Variants in MOK observed in about 807,000 individuals in gnomAD.
MOK encodes the protein MOK protein kinase, also known as MAPK/MAK/MRK overlapping kinase.
Under a neutral mutation model 54.2 loss-of-function variants are expected in MOK, and 59 were observed. The ratio of observed to expected loss-of-function variants is 1.09; its 90% CI spans 0.88 to 1.35. The LOEUF (loss-of-function observed/expected upper bound fraction) is 1.35, where lower values mean the gene tolerates loss of function less well. MOK is among the 40% of genes most tolerant of loss of function. The probability of loss-of-function intolerance (pLI) is 0.00; values close to 1 mark genes in which losing one functional copy is unlikely to be tolerated. For missense variants in MOK, 517 were observed against 526.2 expected (o/e 0.98, Z 0.17); for synonymous variants, 210 against 202.7 (o/e 1.04, Z -0.31).
In MOK at chr14:102,229,361, ATCTG is replaced by A; in HGVS notation, c.1184_1187del (p.Thr395IlefsTer18). The A allele has an allele frequency of 7.0e-5, 113 of 1,614,190 alleles. No homozygotes were observed. The highest frequency in any genetic ancestry group is 1.3e-4 in the South Asian group (12 of 91,078). ...GGGCAGGCTTAAGGTCCTTCTGCGG[ATCTG>A]TCTGTCAAAGAAAAATTACAGACAC... is the stretch of plus-strand genomic sequence containing the variant. On this transcript the variant is annotated frameshift_variant and splice_region_variant, in exon 12 of 12. Coordinates refer to ENST00000361847, the MANE Select transcript of MOK (RefSeq NM_014226.3). LOFTEE classifies it low-confidence loss of function (END_TRUNC).
In MOK at chr14:102,232,472, G is replaced by A; in HGVS notation, c.866+63C>T. The A allele has an allele frequency of 3.2e-6, 5 of 1,540,856 alleles. No individual in the cohort carries two copies. Among genetic ancestry groups the A allele is most frequent in the Non-Finnish European group, 4.4e-6 (5 of 1,133,582 alleles). ...AGGGGGCAGTACCTTGCCCCACCAT[G>A]TGCCCATGGGTCTCATTTGCCAGGT... On this transcript the variant is annotated intron_variant, in intron 9 of 11. Transcript: ENST00000361847. The surrounding 1 kb of genome is among the most constrained non-coding windows in gnomAD (Gnocchi z 5.1).
chr14:102,264,150 G>T (rs1240512883), intron 3 of MOK: 1 of 149,728 alleles, frequency 6.7e-6, no homozygotes, highest in East Asian at 2.0e-4. Context: ...GGCGGAGGTT[G>T]CAGTGAGCCG....
At chr14:102,266,019 A>C in intron 2 of MOK, 107 bp from the exon 3 acceptor site, 2 of 807,474 alleles carry the variant, frequency 2.5e-6, no homozygotes, top group Non-Finnish European at 2.0e-6. Flanking sequence ...AAATATTTCA[A>C]GCAAGTTAAT....
chr14:102,228,573 G>A (rs1462889700), downstream of MOK, among the ~76,000 whole-genome samples: 5 of 151,964 alleles, frequency 3.3e-5, no homozygotes, highest in Admixed American at 2.6e-4. Context: ...GGTGGTGCAT[G>A]CACGTAATCC....
rs373893667 is a variant in MOK, at chr14:102,258,622, C to T, written c.283+4924G>A. Among the ~76,000 whole-genome samples, 29 of 152,356 alleles carry T rather than the reference C, an allele frequency of 1.9e-4. No individual in the cohort carries two copies. In the East Asian group the frequency reaches 3.9e-3, roughly 20 times the overall value. Reference sequence around the variant, plus strand: ...ATGGGACATCCTCTCCCGCACCTGTCCAATTCTACCACTCCTCCAGGAAAG... The same window carrying T: ...ATGGGACATCCTCTCCCGCACCTGTTCAATTCTACCACTCCTCCAGGAAAG... On this transcript the variant is annotated intron_variant, in intron 4 of 11. Transcript: ENST00000361847.
chr14:102,248,549 C>T (rs550284599), intron 7 of MOK, among the ~76,000 whole-genome samples: 30 of 152,140 alleles, frequency 2.0e-4, no homozygotes, highest in East Asian at 5.8e-4. Context: ...GAGGCTGAGG[C>T]GGGCGGATCA....
At chr14:102,280,167 C>T (rs755831949) in intron 2 of MOK, among the ~76,000 whole-genome samples, 2 of 151,952 alleles carry the variant, frequency 1.3e-5, no homozygotes, top group African/African-American at 2.4e-5. Flanking sequence ...CCAAATCCCT[C>T]GCATACCAAA....
At chr14:102,215,906 C>T in the MOK span, among the ~76,000 whole-genome samples, 1,784 of 152,304 alleles carry the variant, frequency 0.012, 15 homozygotes, top group Middle Eastern at 0.041. Context: ...CCCTGGCACC[C>T]GCAGGCCTAC....
At chr14:102,229,935 G>C (rs983100516) in intron 10 of MOK, 2 of 409,704 alleles carry the variant, frequency 4.9e-6, no homozygotes, top group Middle Eastern at 6.6e-4. Flanking sequence ...TGGTGCCCAC[G>C]CCTCCTGCCT....
At chr14:102,294,882 C>T (rs1277540038) in intron 1 of MOK, among the ~76,000 whole-genome samples, 2 of 152,160 alleles carry the variant, frequency 1.3e-5, no homozygotes, top group South Asian at 4.1e-4. Context: ...ATAAATGGAA[C>T]TTGCCGCACT....
intron 4 of MOK, 55 bp downstream of exon 4, chr14:102,263,491 G>T (rs971203042): frequency 2.4e-6 from 3 of 1,264,034 alleles, no homozygotes; most frequent in South Asian, 1.3e-5. Context: ...AAGCATATAT[G>T]AATTACAAGC....
intron 7 of MOK, among the ~76,000 whole-genome samples, chr14:102,248,765 A>G (rs1479009115): frequency 2.2e-4 from 32 of 146,960 alleles, no homozygotes; most frequent in African/African-American, 3.8e-4. Flanking sequence ...GCGACAGAGC[A>G]AGACTCCGTC....
chr14:102,292,758 G>C (rs1373763720), intron 1 of MOK, among the ~76,000 whole-genome samples: 1 of 140,062 alleles, frequency 7.1e-6, no homozygotes, highest in Admixed American at 7.2e-5. Context: ...AAACCAACAG[G>C]AAAAAAAAAA....
At chr14:102,214,609 C>T in the MOK span, 8 of 985,128 alleles carry the variant, frequency 8.1e-6, no homozygotes, top group Non-Finnish European at 9.6e-6. Flanking sequence ...TTTCTGTATA[C>T]TTGAGTTTAT....
At chr14:102,284,974 T>C (rs971753081) in intron 1 of MOK, among the ~76,000 whole-genome samples, 1 of 151,612 alleles carries the variant, frequency 6.6e-6, no homozygotes, top group Non-Finnish European at 1.5e-5. Context: ...TCCCGGCCAC[T>C]TGGGAGGGTG....
At chr14:102,280,975 T>C (rs2069357313) in intron 2 of MOK, among the ~76,000 whole-genome samples, 1 of 152,084 alleles carries the variant, frequency 6.6e-6, no homozygotes, top group Admixed American at 6.6e-5. Context: ...TGGATCGCTT[T>C]GAGCTCAGGA....
At chr14:102,265,642 T>C (rs1257672192) in intron 3 of MOK, among the ~76,000 whole-genome samples, 181 bp downstream of exon 3, 1 of 151,512 alleles carries the variant, frequency 6.6e-6, no homozygotes, top group Non-Finnish European at 1.5e-5. Context: ...CAAAAAATAA[T>C]AATAAAAAAA....
the MOK span, chr14:102,214,948 C>CT: frequency 2.0e-6 from 2 of 985,038 alleles, no homozygotes; most frequent in Admixed American, 1.2e-4. Context: ...TTCTGAAGTA[C>CT]TGTGGGGCTG....
chr14:102,229,633 C>A lies in MOK; in HGVS notation c.1006G>T (p.Asp336Tyr). ...KQKQSLKQEE[D>Y]RPKRRGPAYV... is the part of the protein sequence containing the mutation. ...GCCGGTCCTCGTCTCTTGGGACGGT[C>A]CTCCTCTTGCTTTAGGGACTGTTTC... Residue 336 changes from aspartate (D) to tyrosine (Y), a missense_variant, in exon 11 of 12, where the codon GAC becomes TAC. By Grantham distance (160) the Asp-to-Tyr change is radical. Coordinates refer to ENST00000361847, the MANE Select transcript of MOK (RefSeq NM_014226.3). The A allele has an allele frequency of 1.2e-6, 2 of 1,612,568 alleles. No individual in the cohort carries two copies. The highest frequency in any genetic ancestry group is 1.3e-5 in the African/African-American group (1 of 75,026).
Sources: allele counts gnomAD v4.1 joint callset (sites outside exome capture counted in the v4.1 genomes callset), GRCh38; gene constraint gnomAD v4.1.1; non-coding constraint Gnocchi (gnomAD v3.1); transcripts MANE v1.5; gene names NCBI Gene and HGNC (gene_info 2026-07-23, HGNC 2026-07-21).